Variants in SMAD1 observed in about 807,000 individuals in gnomAD.
SMAD1 encodes the protein MAD, mothers against decapentaplegic homolog 1.
SMAD1 carries 6 observed loss-of-function variants against 41.6 expected under a neutral mutation model. The observed-to-expected ratio is 0.14, with a 90% CI of 0.08 to 0.28. The LOEUF (loss-of-function observed/expected upper bound fraction) is 0.28, where lower values mean the gene tolerates loss of function less well. Among genes scored for constraint, SMAD1 ranks in the 10% least tolerant of loss-of-function variants. SMAD1 has a pLI of 1.00. For missense variants in SMAD1, 379 were observed against 582.6 expected (o/e 0.65, Z 3.60); for synonymous variants, 206 against 203.2 (o/e 1.01, Z -0.12).
chr4:145,542,732 A>T (rs369657526), intron 4 of SMAD1, 34 bp downstream of exon 4: 8 of 1,395,160 alleles, frequency 5.7e-6, no homozygotes, highest in Non-Finnish European at 8.1e-6. Flanking sequence ...CCTTTTTTAG[A>T]GTCTAAAGTT....
chr4:145,525,795 C>T (rs1025454337), intron 2 of SMAD1: 1 of 152,214 alleles, frequency 6.6e-6, no homozygotes, highest in Non-Finnish European at 1.5e-5. Flanking sequence ...GTCTGCTCCA[C>T]ATAAAACTAT....
chr4:145,540,601 G>T (rs1731868091), intron 3 of SMAD1, among the ~76,000 whole-genome samples: 1 of 152,152 alleles, frequency 6.6e-6, no homozygotes, highest in Non-Finnish European at 1.5e-5. Context: ...CCATCTGCTT[G>T]TTCAACTTAG....
At chr4:145,541,416 G>C (rs1316812100) in intron 3 of SMAD1, among the ~76,000 whole-genome samples, 1 of 152,166 alleles carries the variant, frequency 6.6e-6, no homozygotes, top group Admixed American at 6.5e-5. Flanking sequence ...CAGCTTCTTG[G>C]CAGAAATTCA....
chr4:145,518,422 C>T (rs1578779795), intron 2 of SMAD1, among the ~76,000 whole-genome samples: 1 of 121,726 alleles, frequency 8.2e-6, no homozygotes, highest in South Asian at 2.8e-4. Flanking sequence ...CTGAGAGGCG[C>T]AGGTTGTAGT....
rs761074066 is a variant in SMAD1 at position 145,557,960 on chromosome 4, A to G, written c.*26A>G. ...ATGGCCCCAGGCATCTGCCTCTGGA[A>G]AACTATTGAGCCTTGCATGTACTTG... On this transcript the variant is annotated 3_prime_UTR_variant, in exon 7 of 7. Coordinates refer to ENST00000302085, the MANE Select transcript of SMAD1 (RefSeq NM_005900.3). 1.3e-6 allele frequency: 2 copies of G among 1,578,146 alleles called. No individual in the cohort carries two copies. Among genetic ancestry groups the G allele is most frequent in the Admixed American group, 1.7e-5 (1 of 58,806 alleles).
intron 1 of SMAD1, among the ~76,000 whole-genome samples, chr4:145,490,592 C>G (rs1728721630): frequency 6.6e-6 from 1 of 152,150 alleles, no homozygotes; most frequent in Non-Finnish European, 1.5e-5. Flanking sequence ...AGATAAGACT[C>G]TAGAGTCAGA....
chr4:145,506,286 A>G (rs1056610607), intron 1 of SMAD1, among the ~76,000 whole-genome samples: 3 of 152,200 alleles, frequency 2.0e-5, no homozygotes, highest in South Asian at 2.1e-4. Flanking sequence ...ATTTTTTACT[A>G]TTAGTTAAGA....
intron 5 of SMAD1, among the ~76,000 whole-genome samples, chr4:145,551,523 C>T (rs1443591499): frequency 6.6e-6 from 1 of 152,042 alleles, no homozygotes; most frequent in Non-Finnish European, 1.5e-5. Flanking sequence ...AAAGGACTAA[C>T]AGGGAAGCAA....
intron 2 of SMAD1, among the ~76,000 whole-genome samples, chr4:145,523,981 C>T (rs1051631897): frequency 2.6e-5 from 4 of 152,106 alleles, no homozygotes; most frequent in Admixed American, 6.6e-5. Context: ...CTCACTGCAG[C>T]CTCAAACTCC....
chr4:145,492,522 C>T (rs914394867), intron 1 of SMAD1, among the ~76,000 whole-genome samples: 3 of 152,210 alleles, frequency 2.0e-5, no homozygotes, highest in Admixed American at 6.5e-5. Flanking sequence ...GGGCGTGCCA[C>T]GCTTCAGGAA....
intron 6 of SMAD1, 98 bp downstream of exon 6, chr4:145,554,138 A>G (rs1432022791): frequency 8.1e-6 from 9 of 1,115,154 alleles, no homozygotes; most frequent in East Asian, 7.1e-5. Flanking sequence ...TCCTCTTGAT[A>G]ACATATTATC....
chr4:145,532,114 TC>T (rs1731351158), intron 2 of SMAD1, among the ~76,000 whole-genome samples: 1 of 152,242 alleles, frequency 6.6e-6, no homozygotes, highest in Admixed American at 6.5e-5. Flanking sequence ...TTCATGCTTT[TC>T]CGTGTACCTT....
chr4:145,516,813 G>A (rs897927241), intron 2 of SMAD1, among the ~76,000 whole-genome samples: 7 of 152,166 alleles, frequency 4.6e-5, no homozygotes, highest in Middle Eastern at 3.4e-3. Flanking sequence ...TTTGATCCTC[G>A]TAGTAACCTT....
chr4:145,530,650 A>G (rs1022397433), intron 2 of SMAD1, among the ~76,000 whole-genome samples: 1 of 151,962 alleles, frequency 6.6e-6, no homozygotes, highest in Admixed American at 6.5e-5. Context: ...ATATATTTGT[A>G]CTTGAGTAAC....
chr4:145,498,647 A>G (rs1729235449), intron 1 of SMAD1, among the ~76,000 whole-genome samples: 1 of 152,192 alleles, frequency 6.6e-6, no homozygotes, highest in African/African-American at 2.4e-5. Context: ...AGGCCTTTAA[A>G]AATGCACATG....
intron 4 of SMAD1, 185 bp from the exon 5 acceptor site, chr4:145,546,518 A>C: frequency 1.7e-6 from 1 of 582,558 alleles, no homozygotes; most frequent in Non-Finnish European, 3.1e-6. Context: ...AATTAGGAGA[A>C]TAAGGAGAGT....
At chr4:145,496,283 C>A (rs974823562) in intron 1 of SMAD1, among the ~76,000 whole-genome samples, 1 of 152,110 alleles carries the variant, frequency 6.6e-6, no homozygotes, top group South Asian at 2.1e-4. Flanking sequence ...AAGGGGGGGA[C>A]TACTGTGGAG....
intron 1 of SMAD1, among the ~76,000 whole-genome samples, chr4:145,504,189 G>A (rs1729635640): frequency 6.6e-6 from 1 of 152,196 alleles, no homozygotes; most frequent in Non-Finnish European, 1.5e-5. Context: ...TAGAGCCACA[G>A]TTTCCAAGAA....
intron 1 of SMAD1, among the ~76,000 whole-genome samples, chr4:145,507,828 A>T: frequency 6.6e-6 from 1 of 152,186 alleles, no homozygotes; most frequent in South Asian, 2.1e-4. Context: ...GGGCAGAAAA[A>T]AAGTAGTTGT....
Sources: allele counts gnomAD v4.1 joint callset (sites outside exome capture counted in the v4.1 genomes callset), GRCh38; gene constraint gnomAD v4.1.1; transcripts MANE v1.5; gene names NCBI Gene and HGNC (gene_info 2026-07-23, HGNC 2026-07-21).